EIPR1: variants seen among roughly 807,000 people sequenced by gnomAD.
EIPR1 encodes EARP and GARP complex-interacting protein 1.
Under a neutral mutation model 48.1 loss-of-function variants are expected in EIPR1, and 25 were observed. The ratio of observed to expected loss-of-function variants is 0.52; its 90% confidence interval spans 0.38 to 0.73. The LOEUF (loss-of-function observed/expected upper bound fraction) is 0.73. EIPR1 is among the 30% of genes least tolerant of loss of function. The pLI, the probability that EIPR1 is intolerant of heterozygous loss-of-function variation, is 0.00. For missense variants in EIPR1, 415 were observed against 506.2 expected (o/e 0.82, Z 1.73); for synonymous variants, 204 against 201.9 (o/e 1.01, Z -0.09).
intron 5 of EIPR1, among the ~76,000 whole-genome samples, chr2:3,200,964 G>T (rs1440272122): frequency 6.6e-6 from 1 of 152,206 alleles, no homozygotes; most frequent in African/African-American, 2.4e-5. Flanking sequence ...GGTGACGGCA[G>T]CATGTGCAGC....
At chr2:3,265,036 T>C (rs1667444589) in intron 3 of EIPR1, among the ~76,000 whole-genome samples, 1 of 42,628 alleles carries the variant, frequency 2.3e-5, no homozygotes, top group Admixed American at 2.5e-4. Context: ...ATGAAATGTC[T>C]AGTGTATGAA....
intron 4 of EIPR1, among the ~76,000 whole-genome samples, chr2:3,218,321 C>G (rs1460657184): frequency 6.6e-6 from 1 of 151,162 alleles, no homozygotes; most frequent in Non-Finnish European, 1.5e-5. Context: ...CACAGTGAGT[C>G]AGGTGCACAC....
chr2:3,198,873 G>T (rs1664901522), intron 5 of EIPR1, among the ~76,000 whole-genome samples: 1 of 152,112 alleles, frequency 6.6e-6, no homozygotes. Flanking sequence ...ATGTCCCACT[G>T]TGCTTGCATT....
At chr2:3,300,259 T>C (rs1184360531) in intron 3 of EIPR1, among the ~76,000 whole-genome samples, 2 of 152,230 alleles carry the variant, frequency 1.3e-5, no homozygotes, top group African/African-American at 4.8e-5. Flanking sequence ...TTCTATTTGG[T>C]CCATTAAAAC....
At position 3,257,328 on chromosome 2, in the gene EIPR1, A is replaced by G. The variant is rs1223598878; in HGVS notation, c.387T>C (p.Leu129=). ...CCATGTTGCCATGGGCTGTGTTGTC[A>G]AGGTGACAGAGCAGCTCCAGGGTCT... The part of the protein sequence containing the change: ...TAQTLELLCH[L]DNTAHGNMAC... Residue 129 remains leucine (L), a synonymous_variant, in exon 4 of 9, where the codon CTT becomes CTC. Coordinates refer to ENST00000382125, the MANE Select transcript of EIPR1 (RefSeq NM_003310.5). The G allele has an allele frequency of 6.2e-7, 1 of 1,614,030 alleles. No individual in the cohort carries two copies.
chr2:3,194,205 T>C, intron 6 of EIPR1, 39 bp from the exon 7 acceptor site: 1 of 1,608,502 alleles, frequency 6.2e-7, no homozygotes. Context: ...AAATAGTAAA[T>C]GGATTAGGAA....
At chr2:3,376,688 C>T (rs1449255438) in intron 1 of EIPR1, among the ~76,000 whole-genome samples, 2 of 76,118 alleles carry the variant, frequency 2.6e-5, no homozygotes, top group Admixed American at 3.4e-4. Context: ...AAGACTCCAT[C>T]TCAAAAAAAA....
chr2:3,375,999 G>T (rs922307788), intron 1 of EIPR1, among the ~76,000 whole-genome samples: 5 of 152,138 alleles, frequency 3.3e-5, no homozygotes, highest in African/African-American at 1.2e-4. Flanking sequence ...CTTAGGCAGG[G>T]TGCGGTGGCT....
At chr2:3,212,364 G>A (rs1022115188) in intron 5 of EIPR1, among the ~76,000 whole-genome samples, 2 of 152,096 alleles carry the variant, frequency 1.3e-5, no homozygotes, top group Non-Finnish European at 2.9e-5. Context: ...CTGAGACAGC[G>A]AGCACAGTAG....
intron 3 of EIPR1, among the ~76,000 whole-genome samples, chr2:3,269,603 GCACT>G (rs1667634070): frequency 2.2e-5 from 1 of 45,292 alleles, no homozygotes; most frequent in South Asian, 1.3e-3. Flanking sequence ...GCACTCAATC[GCACT>G]CAATCATCAC....
At chr2:3,306,168 C>T (rs1162851686) in intron 3 of EIPR1, among the ~76,000 whole-genome samples, 2 of 152,260 alleles carry the variant, frequency 1.3e-5, no homozygotes, top group Non-Finnish European at 2.9e-5. Context: ...ATCATTTCGT[C>T]ATGCTAGCGG....
At chr2:3,307,513 C>T (rs1337711443) in intron 3 of EIPR1, among the ~76,000 whole-genome samples, 2 of 152,252 alleles carry the variant, frequency 1.3e-5, no homozygotes, top group Admixed American at 1.3e-4. Flanking sequence ...AGCAGCCCCA[C>T]TTCTGCAGGA....
At position 3,197,177 on chromosome 2, in the gene EIPR1, C is replaced by A. The variant is rs1037467; in HGVS notation, c.517-160G>T. On this transcript the variant is annotated intron_variant, in intron 5 of 8. Transcript: ENST00000382125. ...GTCTTTGTTTCCTTTCCTTAAATGG[C>A]AAAAATGAACCTTACTTGGGGAAAT... is the stretch of plus-strand genomic sequence containing the variant. Among the ~76,000 whole-genome samples the A allele has an allele frequency of 0.88, 134,072 of 152,278 alleles. 59,549 individuals are homozygous for A. The highest frequency in any genetic ancestry group is 0.92 in the Middle Eastern group (271 of 294).
At chr2:3,197,218 C>A (rs191891571) in intron 5 of EIPR1, among the ~76,000 whole-genome samples, 1 of 152,118 alleles carries the variant, frequency 6.6e-6, no homozygotes, top group African/African-American at 2.4e-5. Context: ...AAACTGAGCA[C>A]AGCAAAAAAT....
intron 3 of EIPR1, among the ~76,000 whole-genome samples, chr2:3,304,974 C>A (rs541341191): frequency 4.2e-4 from 50 of 119,834 alleles, no homozygotes; most frequent in Non-Finnish European, 5.3e-4. Flanking sequence ...CAACTCTCCA[C>A]TCCCGTCCAG....
At chr2:3,338,592 C>T (rs10171723) in intron 2 of EIPR1, among the ~76,000 whole-genome samples, 4,515 of 152,162 alleles carry the variant, frequency 0.03, 226 homozygotes, top group African/African-American at 0.1. Flanking sequence ...GGACTGACCA[C>T]GCCTGGCCCA....
intron 4 of EIPR1, among the ~76,000 whole-genome samples, chr2:3,227,279 A>G (rs190695310): frequency 1.3e-4 from 20 of 152,340 alleles, no homozygotes; most frequent in Admixed American, 3.3e-4. Flanking sequence ...CTTTGACCAA[A>G]ATGCTTACAC....
intron 3 of EIPR1, among the ~76,000 whole-genome samples, chr2:3,337,139 G>GGAAGGGAAGGGA (rs1323827429): frequency 6.6e-6 from 1 of 151,678 alleles, no homozygotes; most frequent in South Asian, 2.1e-4. Flanking sequence ...AAGGGAACAG[G>GGAAGGGAAGGGA]GAAGGGAAGG....
At chr2:3,299,621 C>G (rs1436929266) in intron 3 of EIPR1, among the ~76,000 whole-genome samples, 1 of 135,428 alleles carries the variant, frequency 7.4e-6, no homozygotes, top group Admixed American at 7.2e-5. Context: ...CTCTCTCTCT[C>G]TCTCACACAC....
Sources: gnomAD v4.1 joint callset for allele counts (sites outside exome capture counted in the v4.1 genomes callset) on GRCh38, gnomAD v4.1.1 for gene constraint, MANE v1.5 for transcripts, NCBI Gene and HGNC (gene_info 2026-07-23, HGNC 2026-07-21) for gene names.